The following MCPH1 variants were observed in gnomAD, a reference collection of about 807,000 sequenced individuals.
The protein encoded by MCPH1 is microcephalin.
Under a neutral mutation model 84.5 loss-of-function variants are expected in MCPH1, and 104 were observed. The observed-to-expected ratio is 1.23, with a 90% CI of 1.05 to 1.45. MCPH1 has a LOEUF of 1.45. Ranked by LOEUF, MCPH1 falls within the 40% of genes most tolerant of loss-of-function variation. The probability of loss-of-function intolerance (pLI) is 0.00; values close to 1 mark genes in which losing one functional copy is unlikely to be tolerated. For synonymous variants in MCPH1, 514 were observed against 366.8 expected, an observed-to-expected ratio of 1.40 and a Z score of -4.58; for missense variants, 1,498 against 1,005.7, an observed-to-expected ratio of 1.49 and a Z score of -6.62.
At chr8:6,586,451 G>C (rs973980899) in intron 12 of MCPH1, among the ~76,000 whole-genome samples, 1 of 152,194 alleles carries the variant, frequency 6.6e-6, no homozygotes, top group Non-Finnish European at 1.5e-5. Flanking sequence ...TAGCCTCTGT[G>C]GTCAAAGGTG....
intron 13 of MCPH1, chr8:6,624,747 A>G (rs1476295992): frequency 1.1e-6 from 1 of 902,340 alleles, no homozygotes; most frequent in Non-Finnish European, 1.3e-6. Context: ...CAAATAAAGG[A>G]AGGTTTATTT....
chr8:6,510,079 C>T (rs1201476470), intron 12 of MCPH1, among the ~76,000 whole-genome samples: 1 of 152,082 alleles, frequency 6.6e-6, no homozygotes, highest in African/African-American at 2.4e-5. Context: ...TGCAAAAATA[C>T]GGCTTACATC....
chr8:6,498,378 T>C (rs1460612207), intron 11 of MCPH1, among the ~76,000 whole-genome samples: 3 of 152,224 alleles, frequency 2.0e-5, no homozygotes, highest in Non-Finnish European at 4.4e-5. Flanking sequence ...GTTTACACTG[T>C]ATTTCTGATT....
chr8:6,490,702 C>CA (rs1810464794), intron 11 of MCPH1, among the ~76,000 whole-genome samples: 1 of 152,064 alleles, frequency 6.6e-6, no homozygotes, highest in Admixed American at 6.6e-5. Flanking sequence ...ATAGGAATTC[C>CA]AAATGAAATG....
At chr8:6,468,382 A>T (rs1585945396) in intron 9 of MCPH1, among the ~76,000 whole-genome samples, 1 of 152,212 alleles carries the variant, frequency 6.6e-6, no homozygotes, top group African/African-American at 2.4e-5. Context: ...ACACACCCAG[A>T]CCGCAGGCTT....
chr8:6,608,247 G>A (rs1015683736), intron 12 of MCPH1, among the ~76,000 whole-genome samples: 3 of 152,344 alleles, frequency 2.0e-5, no homozygotes, highest in Admixed American at 1.3e-4. Flanking sequence ...CGTGCTTACC[G>A]GCTGGTGGCA....
intron 9 of MCPH1, among the ~76,000 whole-genome samples, chr8:6,472,585 G>C (rs1027776046): frequency 6.6e-6 from 1 of 151,980 alleles, no homozygotes; most frequent in Admixed American, 6.6e-5. Flanking sequence ...TCCTGCCCCA[G>C]CCTCCCAAGT....
intron 12 of MCPH1, chr8:6,507,596 G>C (rs1387006293): frequency 2.0e-5 from 1 of 50,442 alleles, no homozygotes; most frequent in South Asian, 6.7e-4. Context: ...TTTTTTTTTT[G>C]AGTGAATTCT....
rs189503948 is a variant in MCPH1, at chr8:6,425,910, G to A, written c.234-5589G>A. Among the ~76,000 whole-genome samples, 174 of 152,204 alleles carry A rather than the reference G, an allele frequency of 1.1e-3. 1 individual carries two copies. The highest frequency in any genetic ancestry group is 4.0e-3 in the African/African-American group (168 of 41,518). Reference sequence around the variant, plus strand: ...CACGATTATCTAGGGTCTCCTCTACGTCTTTCGTCCAGATGCATCTCAGCC... The same window carrying A: ...CACGATTATCTAGGGTCTCCTCTACATCTTTCGTCCAGATGCATCTCAGCC... On this transcript the variant is annotated intron_variant, in intron 3 of 13. Coordinates refer to ENST00000344683, the MANE Select transcript of MCPH1 (RefSeq NM_024596.5).
At chr8:6,612,320 A>C (rs936390316) in intron 12 of MCPH1, among the ~76,000 whole-genome samples, 2 of 151,706 alleles carry the variant, frequency 1.3e-5, no homozygotes, top group Non-Finnish European at 2.9e-5. Context: ...CCCAAGGCCA[A>C]CCTCCTCTCC....
chr8:6,573,797 CAG>C (rs1428412854), intron 12 of MCPH1, among the ~76,000 whole-genome samples: 1 of 152,046 alleles, frequency 6.6e-6, no homozygotes. Context: ...GGATGTTAAA[CAG>C]AACTAAAAGA....
chr8:6,468,296 G>A (rs887361344), intron 9 of MCPH1, among the ~76,000 whole-genome samples: 7 of 152,004 alleles, frequency 4.6e-5, no homozygotes, highest in African/African-American at 1.7e-4. Flanking sequence ...GATGTTCCCG[G>A]GTGTCACCTG....
intron 12 of MCPH1, among the ~76,000 whole-genome samples, chr8:6,573,056 G>T (rs17077573): frequency 6.6e-6 from 1 of 152,068 alleles, no homozygotes; most frequent in Non-Finnish European, 1.5e-5. Context: ...AATAAAAGGC[G>T]AGACCACGGA....
intron 9 of MCPH1, chr8:6,477,362 C>G (rs1808611813): frequency 2.0e-6 from 1 of 512,016 alleles, no homozygotes; most frequent in Non-Finnish European, 3.4e-6. Context: ...TTGTTTTGCT[C>G]TTGTACCTCA....
intron 11 of MCPH1, among the ~76,000 whole-genome samples, chr8:6,496,868 A>G (rs1451040759): frequency 6.6e-6 from 1 of 152,046 alleles, no homozygotes; most frequent in Non-Finnish European, 1.5e-5. Flanking sequence ...CCTCTTACAG[A>G]TTGCCTTCCC....
chr8:6,510,107 C>G (rs958658274), intron 12 of MCPH1, among the ~76,000 whole-genome samples: 4 of 151,766 alleles, frequency 2.6e-5, no homozygotes, highest in Non-Finnish European at 5.9e-5. Context: ...TGTGTACCAG[C>G]AAGGAGCATA....
intron 13 of MCPH1, among the ~76,000 whole-genome samples, chr8:6,633,770 G>T (rs1264877679): frequency 6.6e-6 from 1 of 152,178 alleles, no homozygotes; most frequent in African/African-American, 2.4e-5. Flanking sequence ...ACGTGGGGCC[G>T]AGAACTCCAT....
At chr8:6,533,379 G>A (rs1215847086) in intron 12 of MCPH1, among the ~76,000 whole-genome samples, 2 of 152,190 alleles carry the variant, frequency 1.3e-5, no homozygotes, top group African/African-American at 4.8e-5. Flanking sequence ...CTTTGGGCTT[G>A]GAGCCAGGGA....
intron 12 of MCPH1, among the ~76,000 whole-genome samples, chr8:6,615,008 G>A (rs1830661448): frequency 6.6e-6 from 1 of 152,162 alleles, no homozygotes; most frequent in Non-Finnish European, 1.5e-5. Flanking sequence ...GTCTGCTCAG[G>A]TTTCTAAGGT....
Sources: gnomAD v4.1 joint callset for allele counts (sites outside exome capture counted in the v4.1 genomes callset) on GRCh38, gnomAD v4.1.1 for gene constraint, MANE v1.5 for transcripts, NCBI Gene and HGNC (gene_info 2026-07-23, HGNC 2026-07-21) for gene names.